MINK1: variants seen among roughly 807,000 people sequenced by gnomAD.
The protein encoded by MINK1 is misshapen like kinase 1, also known as misshapen-like kinase 1.
In MINK1, 46 loss-of-function variants were observed where a neutral mutation model predicts 178.4. The observed-to-expected ratio is 0.26, with a 90% CI of 0.20 to 0.33. The LOEUF (loss-of-function observed/expected upper bound fraction) is 0.33, where lower values mean the gene tolerates loss of function less well. MINK1 is among the 10% of genes least tolerant of loss of function. The pLI is 1.00. For missense variants in MINK1, 1,366 were observed against 1,814.9 expected (o/e 0.75, Z 4.49); for synonymous variants, 797 against 709.7 (o/e 1.12, Z -1.96).
chr17:4,891,219 CACACA>C, intron 15 of MINK1, 95 bp downstream of exon 15: 4 of 1,169,154 alleles, frequency 3.4e-6, no homozygotes, highest in Non-Finnish European at 4.7e-6. Context: ...CACACACACA[CACACA>C]CCTGCTCAGC....
intron 1 of MINK1, among the ~76,000 whole-genome samples, chr17:4,852,630 C>G (rs534985061): frequency 6.7e-6 from 1 of 149,024 alleles, no homozygotes; most frequent in African/African-American, 2.5e-5. Flanking sequence ...CAAAAGGCAC[C>G]AGCATGAGAA....
chr17:4,869,072 A>C (rs770613407), intron 1 of MINK1, among the ~76,000 whole-genome samples: 3 of 151,484 alleles, frequency 2.0e-5, no homozygotes, highest in Non-Finnish European at 2.9e-5. Context: ...TACAGGCGCC[A>C]GCCACCACGC....
rs776800606 is a variant in MINK1, at chr17:4,894,572, G to A, written c.2856G>A (p.Thr952=). The A allele has an allele frequency of 5.0e-6, 8 of 1,609,368 alleles. No individual in the cohort carries two copies. Among genetic ancestry groups the A allele is most frequent in the East Asian group, 4.5e-5 (2 of 44,750 alleles). Residue 952 remains threonine (T), a synonymous_variant, in exon 24 of 32, where the codon ACG becomes ACA. Coordinates refer to ENST00000355280, the MANE Select transcript of MINK1 (RefSeq NM_153827.5). This position sits in a 1 kb window ranked among gnomAD's most constrained non-coding sequence, Gnocchi z 4.1. ...LVKAPGKSSF[T]MFVDLGIYQP... ...AGGCCCCTGGCAAGAGCTCGTTCAC[G>A]ATGTTTGTGGATCTAGGGATCTACC...
At chr17:4,876,581 G>T (rs965086755) in intron 1 of MINK1, among the ~76,000 whole-genome samples, 1 of 152,050 alleles carries the variant, frequency 6.6e-6, no homozygotes, top group Non-Finnish European at 1.5e-5. Flanking sequence ...TTTTTTGGTC[G>T]TGGGATTTTT....
intron 4 of MINK1, 133 bp from the exon 5 acceptor site, chr17:4,884,230 G>A: frequency 1.5e-6 from 1 of 655,054 alleles, no homozygotes; most frequent in Non-Finnish European, 2.7e-6. Flanking sequence ...TGTGGCCCTT[G>A]CTCTCTAGCT....
At chr17:4,870,468 A>T (rs960341579) in intron 1 of MINK1, among the ~76,000 whole-genome samples, 1 of 152,010 alleles carries the variant, frequency 6.6e-6, no homozygotes, top group African/African-American at 2.4e-5. Flanking sequence ...AGTGATATTG[A>T]AGGATTATTT....
At position 4,894,018 on chromosome 17, in the gene MINK1, C is replaced by G. The variant is rs1969157553; in HGVS notation, c.2595C>G (p.Thr865=). 1 of 1,591,022 alleles carries G rather than the reference C, an allele frequency of 6.3e-7. No homozygotes were observed. Among genetic ancestry groups the G allele is most frequent in the Non-Finnish European group, 8.6e-7 (1 of 1,168,314 alleles). ...ATGGGGATACAGACAGCGTCAGCACCATGGTGGTCCACGACGTCGAGGAGA... is the reference window on the plus strand; with the variant it reads ...ATGGGGATACAGACAGCGTCAGCACGATGGTGGTCCACGACGTCGAGGAGA... ...RSDGDTDSVS[T]MVVHDVEEIT... Residue 865 remains threonine (T), a synonymous_variant, in exon 22 of 32, where the codon ACC becomes ACG. Transcript: ENST00000355280. The surrounding 1 kb of genome is among the most constrained non-coding windows in gnomAD (Gnocchi z 4.1).
chr17:4,864,949 C>T (rs1001415845), intron 1 of MINK1, among the ~76,000 whole-genome samples: 1 of 152,166 alleles, frequency 6.6e-6, no homozygotes, highest in African/African-American at 2.4e-5. Context: ...CAGGTGTGCT[C>T]TCTTGGCACC....
At chr17:4,837,963 G>C (rs956822072) in intron 1 of MINK1, among the ~76,000 whole-genome samples, 1 of 152,116 alleles carries the variant, frequency 6.6e-6, no homozygotes, top group African/African-American at 2.4e-5. Flanking sequence ...TGTGGAGCCA[G>C]CACCACTCGG....
At chr17:4,873,224 A>C (rs1007098244) in intron 1 of MINK1, among the ~76,000 whole-genome samples, 1 of 151,946 alleles carries the variant, frequency 6.6e-6, no homozygotes, top group East Asian at 1.9e-4. Flanking sequence ...CAACTCTTAC[A>C]CTCACGAATG....
intron 31 of MINK1, 173 bp from the exon 32 acceptor site, chr17:4,897,031 C>T: frequency 3.5e-6 from 3 of 857,630 alleles, no homozygotes; most frequent in Non-Finnish European, 3.6e-6. Context: ...GCACCCTCTC[C>T]CCTAACATCC....
At chr17:4,853,437 G>T (rs1912525188) in intron 1 of MINK1, among the ~76,000 whole-genome samples, 2 of 119,356 alleles carry the variant, frequency 1.7e-5, no homozygotes, top group Admixed American at 1.8e-4. Context: ...GGGGGAGTGT[G>T]GTTGGTGGGG....
rs575688298 is a variant in MINK1 at position 4,836,040 on chromosome 17, A to G, written c.57+2400A>G. On this transcript the variant is annotated intron_variant, in intron 1 of 31. Transcript: ENST00000355280. The surrounding 1 kb of genome is among the most constrained non-coding windows in gnomAD (Gnocchi z 4.3). Reference sequence around the variant, plus strand: ...CCAGGGCCTACCTTCTCCCTGCTGCAGACCTTTTCTCAGTGCCTGTCCCCC... The same window carrying G: ...CCAGGGCCTACCTTCTCCCTGCTGCGGACCTTTTCTCAGTGCCTGTCCCCC... 2.6e-5 allele frequency among the ~76,000 whole-genome samples: 4 copies of G among 152,158 alleles called. No homozygotes were observed. Among genetic ancestry groups the G allele is most frequent in the Admixed American group, 6.6e-5 (1 of 15,264 alleles).
In MINK1 at chr17:4,897,300, C is replaced by A; in HGVS notation, c.*13C>A. On this transcript the variant is annotated 3_prime_UTR_variant, in exon 32 of 32. Coordinates refer to ENST00000355280, the MANE Select transcript of MINK1 (RefSeq NM_153827.5). ...CATGAACTGGTGACGGGGCCCTGGG[C>A]TGGGGCTGTCCCACACTGGACCCAG... 6 of 1,612,670 alleles carry A rather than the reference C, an allele frequency of 3.7e-6. No individual in the cohort carries two copies. Among genetic ancestry groups the A allele is most frequent in the Non-Finnish European group, 5.1e-6 (6 of 1,178,802 alleles).
Position 4,894,925 on chromosome 17 carries a change from T to G in MINK1, c.2918-150T>G. 1 of 844,256 alleles carries G rather than the reference T, an allele frequency of 1.2e-6. No homozygotes were observed. Among genetic ancestry groups the G allele is most frequent in the Non-Finnish European group, 1.8e-6 (1 of 549,658 alleles). 52.3% of individuals were successfully genotyped at this position (844,256 alleles called of 1,614,324 possible). ...TTTTGACTCCAAGTCCAGCACTCTA[T>G]CCCCCTCTCCCATGCACCTCCTCTC... On this transcript the variant is annotated intron_variant, in intron 24 of 31. Transcript: ENST00000355280. The surrounding 1 kb of genome is among the most constrained non-coding windows in gnomAD (Gnocchi z 4.1).
intron 1 of MINK1, among the ~76,000 whole-genome samples, chr17:4,853,469 G>A (rs1463052263): frequency 6.8e-6 from 1 of 146,876 alleles, no homozygotes; most frequent in Non-Finnish European, 1.5e-5. Flanking sequence ...GGTGGGAAGA[G>A]TGTGGTTGGT....
chr17:4,897,075 G>A, intron 31 of MINK1, 129 bp from the exon 32 acceptor site: 1 of 898,960 alleles, frequency 1.1e-6, no homozygotes, highest in South Asian at 1.6e-5. Context: ...GGGGCACTGT[G>A]AGTCTCCTCC....
chr17:4,859,662 C>T (rs1219557408), intron 1 of MINK1, among the ~76,000 whole-genome samples: 1 of 151,776 alleles, frequency 6.6e-6, no homozygotes, highest in Non-Finnish European at 1.5e-5. Flanking sequence ...GTTGCACACG[C>T]CTGTAATCCC....
At chr17:4,854,824 A>G in intron 1 of MINK1, 1 of 474,268 alleles carries the variant, frequency 2.1e-6, no homozygotes, top group Middle Eastern at 3.2e-4. Context: ...GTTGAGTTCC[A>G]CAGTGTGAGA....
Sources: allele counts gnomAD v4.1 joint callset (sites outside exome capture counted in the v4.1 genomes callset), GRCh38; gene constraint gnomAD v4.1.1; non-coding constraint Gnocchi (gnomAD v3.1); transcripts MANE v1.5; gene names NCBI Gene and HGNC (gene_info 2026-07-23, HGNC 2026-07-21).